The following MYBPC1 variants were observed in gnomAD, a reference collection of about 807,000 sequenced individuals.
The protein encoded by MYBPC1 is myosin binding protein C1, also known as myosin-binding protein C, slow-type.
MYBPC1 carries 52 observed loss-of-function variants against 147.1 expected under a neutral mutation model. The observed-to-expected ratio is 0.35, with a 90% CI of 0.28 to 0.45. The LOEUF (loss-of-function observed/expected upper bound fraction) is 0.45, where lower values mean the gene tolerates loss of function less well. Ranked by LOEUF, MYBPC1 falls within the 20% of genes least tolerant of loss-of-function variation. The pLI, the probability that MYBPC1 is intolerant of heterozygous loss-of-function variation, is 1.00. For missense variants in MYBPC1, 1,228 were observed against 1,440.3 expected (o/e 0.85, Z 2.39); for synonymous variants, 477 against 475.9 (o/e 1.00, Z -0.03).
Position 101,685,698 on chromosome 12 carries a change from C to T in MYBPC1, c.*136C>T. The T allele has an allele frequency of 6.8e-7, 1 of 1,470,612 alleles. No individual in the cohort carries two copies. Among genetic ancestry groups the T allele is most frequent in the Non-Finnish European group, 9.2e-7 (1 of 1,088,078 alleles). The allele number at this position is 1,470,612 out of a possible 1,614,324, so 91.1% of individuals were successfully genotyped here. A position where few individuals can be genotyped will look rare whatever the true frequency, so the allele number is the denominator to read the frequency against. Reference sequence around the variant, plus strand: ...GGAATACTGAGGGAGGGCCTGGCTACTGTCTCTCTGCACTCTGCTGCTTTG... The same window carrying T: ...GGAATACTGAGGGAGGGCCTGGCTATTGTCTCTCTGCACTCTGCTGCTTTG... On this transcript the variant is annotated 3_prime_UTR_variant, in exon 32 of 32. Coordinates refer to ENST00000361466, the MANE Select transcript of MYBPC1 (RefSeq NM_002465.4).
chr12:101,599,747 T>C (rs970705169), intron 1 of MYBPC1, among the ~76,000 whole-genome samples: 3 of 152,308 alleles, frequency 2.0e-5, no homozygotes, highest in African/African-American at 4.8e-5. Flanking sequence ...TGACTTCAAA[T>C]GGTTCATCGA....
intron 1 of MYBPC1, among the ~76,000 whole-genome samples, chr12:101,609,137 AACCCTTTAGGGT>A (rs983757097): frequency 2.6e-5 from 4 of 152,138 alleles, no homozygotes; most frequent in Non-Finnish European, 4.4e-5. Context: ...ATCTACTGTA[AACCCTTTAGGGT>A]TCCCACTCAC....
At chr12:101,668,993 G>A (rs1898020337) in intron 23 of MYBPC1, among the ~76,000 whole-genome samples, 2 of 152,000 alleles carry the variant, frequency 1.3e-5, no homozygotes, top group African/African-American at 2.4e-5. Context: ...AGGCTGAGGT[G>A]GGAGAATCAC....
At chr12:101,618,854 CGTGTGT>C (rs35811344) in intron 3 of MYBPC1, among the ~76,000 whole-genome samples, 8,955 of 136,828 alleles carry the variant, frequency 0.065, 924 homozygotes, top group African/African-American at 0.22. Flanking sequence ...CAAAAACTGC[CGTGTGT>C]GTGTGTGTGT....
Position 101,643,175 on chromosome 12 carries a change from G to C in MYBPC1, c.832+590G>C, listed in dbSNP as rs150610462. Among the ~76,000 whole-genome samples the C allele has an allele frequency of 1.2e-3, 182 of 152,216 alleles. No homozygotes were observed. The East Asian group carries it at 0.03, about 25-fold the overall frequency. ...ATGGGTTTTATGACACATCAGGTTA[G>C]TAATATATCAATCCTATTATTGTTT... On this transcript the variant is annotated intron_variant, in intron 11 of 31. Coordinates refer to ENST00000361466, the MANE Select transcript of MYBPC1 (RefSeq NM_002465.4).
chr12:101,659,075 A>C (rs1383804078), intron 18 of MYBPC1, among the ~76,000 whole-genome samples: 1 of 152,210 alleles, frequency 6.6e-6, no homozygotes, highest in Non-Finnish European at 1.5e-5. Flanking sequence ...AAGAAAATAT[A>C]ATAGGAGGCT....
chr12:101,606,466 ATTTTT>A (rs34796532), intron 1 of MYBPC1, among the ~76,000 whole-genome samples: 3 of 141,254 alleles, frequency 2.1e-5, no homozygotes, highest in African/African-American at 7.9e-5. Flanking sequence ...TCAATTTAGT[ATTTTT>A]TTTTTTTTTT....
intron 11 of MYBPC1, among the ~76,000 whole-genome samples, chr12:101,643,588 G>A (rs1274725443): frequency 6.6e-6 from 1 of 152,120 alleles, no homozygotes; most frequent in Non-Finnish European, 1.5e-5. Flanking sequence ...AGGTTGGAAT[G>A]ATGGAAATAC....
At position 101,682,663 on chromosome 12, in the gene MYBPC1, G is replaced by A. The variant is rs1951092213; in HGVS notation, c.3492+1G>A. On this transcript the variant is annotated splice_donor_variant, in intron 30 of 31. Transcript: ENST00000361466. LOFTEE classifies it high-confidence loss of function. ...AGTCTTCCTGGAGGGGCAGCAACAG[G>A]TTTAAAAAGTTTATATCCCACTGGA... 3 of 1,609,618 alleles carry A rather than the reference G, an allele frequency of 1.9e-6. No individual in the cohort carries two copies. The highest frequency in any genetic ancestry group is 2.6e-6 in the Non-Finnish European group (3 of 1,176,226).
intron 15 of MYBPC1, among the ~76,000 whole-genome samples, chr12:101,650,158 T>C (rs926454758): frequency 4.6e-5 from 7 of 152,244 alleles, no homozygotes; most frequent in African/African-American, 1.7e-4. Flanking sequence ...ATCTGATATT[T>C]GTATCCATTT....
chr12:101,684,313 CAA>C, intron 30 of MYBPC1, 67 bp from the exon 31 acceptor site: 1 of 1,208,870 alleles, frequency 8.3e-7, no homozygotes, highest in Non-Finnish European at 1.2e-6. Context: ...AACAAGTACT[CAA>C]GTTTGGTGTT....
At chr12:101,640,782 T>C (rs1399440583) in intron 10 of MYBPC1, among the ~76,000 whole-genome samples, 1 of 152,258 alleles carries the variant, frequency 6.6e-6, no homozygotes, top group African/African-American at 2.4e-5. Context: ...CCCCTGCATA[T>C]TTTATCCATG....
chr12:101,608,871 C>G (rs887660088), intron 1 of MYBPC1, among the ~76,000 whole-genome samples: 8 of 152,096 alleles, frequency 5.3e-5, no homozygotes, highest in African/African-American at 1.9e-4. Context: ...GCCCCTGGAG[C>G]CTTGGCCAGC....
intron 5 of MYBPC1, chr12:101,628,083 G>T: frequency 2.6e-6 from 1 of 388,296 alleles, no homozygotes; most frequent in Non-Finnish European, 4.9e-6. Context: ...CTTCATTTTG[G>T]GGATGTACTA....
chr12:101,622,079 T>A (rs766539842), intron 3 of MYBPC1, among the ~76,000 whole-genome samples: 1 of 152,236 alleles, frequency 6.6e-6, no homozygotes, highest in Non-Finnish European at 1.5e-5. Context: ...TTTCCCTGTA[T>A]GTCATATTCC....
rs1458172122 is a variant in MYBPC1 at position 101,661,196 on chromosome 12, G to A, written c.1966G>A (p.Val656Met). Residue 656 changes from valine (V) to methionine (M), a missense_variant, in exon 20 of 32, where the codon GTG (valine) becomes ATG (methionine). Around this residue, in one of 2 missense-constraint regions of MYBPC1, gnomAD observed 1,077 missense variants for 1,314.2 expected, o/e 0.82. Transcript: ENST00000361466. Reference protein sequence around the residue: ...DPPVAPTVTEVGDDWCIMNWE... With the variant: ...DPPVAPTVTEMGDDWCIMNWE... ...TCCAGTGGCACCGACTGTGACAGAG[G>A]TGGGAGATGACTGGTGTATCATGAA... 1.9e-6 allele frequency: 3 copies of A among 1,613,736 alleles called. No individual in the cohort carries two copies. The highest frequency in any genetic ancestry group is 1.3e-5 in the African/African-American group (1 of 74,916).
At chr12:101,666,461 G>A (rs1459136917) in intron 22 of MYBPC1, 2 of 407,432 alleles carry the variant, frequency 4.9e-6, no homozygotes, top group East Asian at 5.3e-5. Flanking sequence ...TCCCACCACT[G>A]GAGGTGTCCC....
At chr12:101,659,532 C>T in intron 18 of MYBPC1, 140 bp from the exon 19 acceptor site, 1 of 862,180 alleles carries the variant, frequency 1.2e-6, no homozygotes, top group South Asian at 1.4e-5. Flanking sequence ...TATAGTTACA[C>T]TATATAGTCC....
intron 30 of MYBPC1, 28 bp downstream of exon 30, chr12:101,682,690 A>G: frequency 6.3e-7 from 1 of 1,586,972 alleles, no homozygotes; most frequent in South Asian, 1.1e-5. Context: ...CCCACTGGAT[A>G]TTCTACTTTC....
Sources: gnomAD v4.1 joint callset for allele counts (sites outside exome capture counted in the v4.1 genomes callset) on GRCh38, gnomAD v4.1.1 for gene constraint, gnomAD v4.1.1 regional missense constraint, MANE v1.5 for transcripts, NCBI Gene and HGNC (gene_info 2026-07-23, HGNC 2026-07-21) for gene names.